The following CFAP44 variants were observed in gnomAD, a reference collection of about 807,000 sequenced individuals.
The protein encoded by CFAP44 is cilia- and flagella-associated protein 44.
Under a neutral mutation model 216.2 loss-of-function variants are expected in CFAP44, and 134 were observed. The observed-to-expected ratio is 0.62, with a 90% confidence interval of 0.54 to 0.72. The LOEUF (loss-of-function observed/expected upper bound fraction) is 0.72. Ranked by LOEUF, CFAP44 falls within the 30% of genes least tolerant of loss-of-function variation. The probability of loss-of-function intolerance (pLI) is 0.00; values close to 1 mark genes in which losing one functional copy is unlikely to be tolerated. For synonymous variants in CFAP44, 700 were observed against 727.6 expected, an observed-to-expected ratio of 0.96 and a Z score of 0.61; for missense variants, 2,035 against 2,182.1, an observed-to-expected ratio of 0.93 and a Z score of 1.34.
rs541520390 is a variant in CFAP44, at chr3:113,395,650, G to A, written c.1890+100C>T. On this transcript the variant is annotated intron_variant, in intron 15 of 34. Transcript: ENST00000393845. ...TCCCTGACCCTCACTGCAGGAACCA[G>A]GAGTGGGCTAAAAATTCCACCTGCT... The A allele has an allele frequency of 2.0e-4, 202 of 1,019,884 alleles. No individual in the cohort carries two copies. In the African/African-American group the frequency reaches 2.8e-3, roughly 14 times the overall value. The allele number at this position is 1,019,884 out of a possible 1,614,324, so 63.2% of individuals were successfully genotyped here.
intron 1 of CFAP44, among the ~76,000 whole-genome samples, chr3:113,434,195 A>C (rs1935178153): frequency 6.6e-6 from 1 of 152,226 alleles, no homozygotes; most frequent in African/African-American, 2.4e-5. Flanking sequence ...ACAAGCAATT[A>C]AAAATAATGA....
intron 31 of CFAP44, chr3:113,304,395 C>T: frequency 2.7e-6 from 1 of 373,866 alleles, no homozygotes; most frequent in Non-Finnish European, 4.8e-6. Context: ...TCAGGGCTGG[C>T]ATACTAGGCA....
At chr3:113,441,114 G>T (rs540244343) in intron 1 of CFAP44, among the ~76,000 whole-genome samples, 3 of 152,062 alleles carry the variant, frequency 2.0e-5, no homozygotes, top group Non-Finnish European at 4.4e-5. Context: ...CCAGCTGAGC[G>T]CAGGGCAGGT....
intron 28 of CFAP44, among the ~76,000 whole-genome samples, chr3:113,320,351 A>T (rs1950130977): frequency 6.8e-6 from 1 of 147,320 alleles, no homozygotes; most frequent in African/African-American, 2.6e-5. Context: ...CTGAATCTCA[A>T]GATATCCCAG....
At chr3:113,340,295 G>A (rs1950319990) in intron 24 of CFAP44, among the ~76,000 whole-genome samples, 1 of 152,156 alleles carries the variant, frequency 6.6e-6, no homozygotes, top group Admixed American at 6.5e-5. Context: ...TCCACAGCCT[G>A]TAACAAAACT....
intron 18 of CFAP44, among the ~76,000 whole-genome samples, chr3:113,367,414 C>T (rs1184832588): frequency 6.6e-6 from 1 of 152,218 alleles, no homozygotes; most frequent in Non-Finnish European, 1.5e-5. Context: ...ATTCTGCAGC[C>T]TCCATTGGTG....
At chr3:113,433,888 A>C in intron 1 of CFAP44, 1 of 369,280 alleles carries the variant, frequency 2.7e-6, no homozygotes, top group Non-Finnish European at 4.9e-6. Context: ...CTCTTTCTCT[A>C]GGTAAATTGT....
intron 33 of CFAP44, 40 bp from the exon 34 acceptor site, chr3:113,294,861 CGAG>C: frequency 6.8e-7 from 1 of 1,476,242 alleles, no homozygotes; most frequent in Non-Finnish European, 8.9e-7. Flanking sequence ...GTAGTGAATA[CGAG>C]AAGAAAGAAA....
At chr3:113,382,341 A>C (rs1409298732) in intron 15 of CFAP44, among the ~76,000 whole-genome samples, 2 of 152,230 alleles carry the variant, frequency 1.3e-5, no homozygotes, top group East Asian at 3.8e-4. Flanking sequence ...GATAAGAACT[A>C]AATGTTAAAT....
At chr3:113,371,146 C>T (rs150117339) in intron 18 of CFAP44, among the ~76,000 whole-genome samples, 13 of 152,264 alleles carry the variant, frequency 8.5e-5, no homozygotes, top group Non-Finnish European at 1.6e-4. Context: ...ATGAACATGG[C>T]CATATTGTCC....
In CFAP44 at chr3:113,366,075, T is replaced by C. The variant is rs35480872; in HGVS notation, c.2679A>G (p.Leu893=). The C allele has an allele frequency of 1.9e-3, 3,099 of 1,613,748 alleles. 6 individuals carry two copies. Among genetic ancestry groups the C allele is most frequent in the Admixed American group, 2.4e-3 (143 of 60,008 alleles). The change falls in exon 19 of 35, where the codon CTA becomes CTG. Residue 893 remains leucine, a synonymous_variant. Transcript: ENST00000393845. The part of the protein sequence containing the change: ...FVFNIFSEFM[L]RKDMKAKVPS... Reference sequence around the variant, plus strand: ...GAACTTTGGCCTTCATGTCTTTCCTTAGCATAAATTCAGAAAAAATGTTGA... The same window carrying C: ...GAACTTTGGCCTTCATGTCTTTCCTCAGCATAAATTCAGAAAAAATGTTGA...
chr3:113,438,401 CTTCCTGGT>C (rs1224491454), intron 1 of CFAP44, among the ~76,000 whole-genome samples: 3 of 152,202 alleles, frequency 2.0e-5, no homozygotes, highest in Non-Finnish European at 4.4e-5. Flanking sequence ...GGCTCATCCT[CTTCCTGGT>C]TGTGAGGTGT....
rs1257626297 is a variant in CFAP44 at position 113,289,059 on chromosome 3, T to G, written c.*2498A>C. 1 of 152,134 alleles carries G rather than the reference T, an allele frequency of 6.6e-6. No homozygotes were observed. Among genetic ancestry groups the G allele is most frequent in the Non-Finnish European group, 1.5e-5 (1 of 68,014 alleles). The allele number at this position is 152,134 out of a possible 1,614,324, so 9.4% of individuals were successfully genotyped here. A position where few individuals can be genotyped will look rare whatever the true frequency, so the allele number is the denominator to read the frequency against. Reference sequence around the variant, plus strand: ...GCAGGGAAGTGTGCCAGGAGCAGGATAGCTTCCCAGCCACCCTGCCCATGC... The same window carrying G: ...GCAGGGAAGTGTGCCAGGAGCAGGAGAGCTTCCCAGCCACCCTGCCCATGC... On this transcript the variant is annotated 3_prime_UTR_variant, in exon 35 of 35. Coordinates refer to ENST00000393845, the MANE Select transcript of CFAP44 (RefSeq NM_001164496.2).
At position 113,287,741 on chromosome 3, in the gene CFAP44, G is replaced by A. The variant is rs1949784672; in HGVS notation, c.*3816C>T. 6.6e-6 allele frequency: 1 copy of A among 152,222 alleles called. No individual in the cohort carries two copies. The highest frequency in any genetic ancestry group is 6.5e-5 in the Admixed American group (1 of 15,286). The allele number at this position is 152,222 out of a possible 1,614,324, so 9.4% of individuals were successfully genotyped here. On this transcript the variant is annotated 3_prime_UTR_variant, in exon 35 of 35. Transcript: ENST00000393845. The stretch of plus-strand genomic sequence containing the variant: ...CAACTGGACTTGAGATGAAGTTTAG[G>A]TCATATTGAAGAAATAGAACTAATC...
At chr3:113,340,331 G>T (rs1054517875) in intron 24 of CFAP44, among the ~76,000 whole-genome samples, 4 of 152,150 alleles carry the variant, frequency 2.6e-5, no homozygotes, top group Non-Finnish European at 4.4e-5. Context: ...AAAGAGATAA[G>T]AACCATTTCA....
At chr3:113,409,023 A>T in intron 7 of CFAP44, 83 bp downstream of exon 7, 2 of 847,086 alleles carry the variant, frequency 2.4e-6, no homozygotes, top group Non-Finnish European at 3.4e-6. Context: ...AAAAAAAAAA[A>T]AAAAAAGTCT....
chr3:113,373,405 G>A lies in CFAP44; in HGVS notation c.2444+6C>T. 6.5e-7 allele frequency: 1 copy of A among 1,542,948 alleles called. No individual in the cohort carries two copies. On this transcript the variant is annotated splice_donor_region_variant and intron_variant, in intron 18 of 34. Transcript: ENST00000393845. The stretch of plus-strand genomic sequence containing the variant: ...TTTTTTTAAAGCTTTTTGAAATACT[G>A]CTCACTTGAAAGTGATAGTTTGGAT...
Position 113,337,285 on chromosome 3 carries a change from AAC to A in CFAP44, c.3438-3704_3438-3703del, listed in dbSNP as rs1201120483. On this transcript the variant is annotated intron_variant, in intron 24 of 34. Transcript: ENST00000393845. Reference sequence around the variant, plus strand: ...GAACTTTTTATGCTGAAAACAGCAAAACACTGATGAAAGAAATCAAAAATCTA... The same window carrying A: ...GAACTTTTTATGCTGAAAACAGCAAAACTGATGAAAGAAATCAAAAATCTA... 9.2e-5 allele frequency among the ~76,000 whole-genome samples: 14 copies of A among 152,154 alleles called. No individual in the cohort carries two copies. In the East Asian group the frequency reaches 2.7e-3, roughly 29 times the overall value.
chr3:113,346,513 T>C (rs1252360453), intron 22 of CFAP44, among the ~76,000 whole-genome samples: 1 of 151,498 alleles, frequency 6.6e-6, no homozygotes. Flanking sequence ...CAGTGCTCTG[T>C]ATCTAGCTAA....
Sources: gnomAD v4.1 joint callset for allele counts (sites outside exome capture counted in the v4.1 genomes callset) on GRCh38, gnomAD v4.1.1 for gene constraint, MANE v1.5 for transcripts, NCBI Gene and HGNC (gene_info 2026-07-23, HGNC 2026-07-21) for gene names.